The following PCID2 variants were observed in gnomAD, a reference collection of about 807,000 sequenced individuals.
PCID2 encodes the protein PCI domain-containing protein 2.
Under a neutral mutation model 61.3 loss-of-function variants are expected in PCID2, and 41 were observed. The ratio of observed to expected loss-of-function variants is 0.67; its 90% confidence interval spans 0.52 to 0.87. The LOEUF is 0.87. Ranked by LOEUF, PCID2 falls within the 40% of genes least tolerant of loss-of-function variation. The probability of loss-of-function intolerance (pLI) is 0.00; values close to 1 mark genes in which losing one functional copy is unlikely to be tolerated. For missense variants in PCID2, 392 were observed against 493.4 expected, an observed-to-expected ratio of 0.79 and a Z score of 1.95; for synonymous variants, 187 against 177.8, an observed-to-expected ratio of 1.05 and a Z score of -0.41.
chr13:113,181,991 T>C (rs959301963), intron 9 of PCID2, among the ~76,000 whole-genome samples: 1 of 152,112 alleles, frequency 6.6e-6, no homozygotes. Flanking sequence ...TTCCACATTC[T>C]CCCTAGGTGA....
the PCID2 span, among the ~76,000 whole-genome samples, chr13:113,166,876 G>A: frequency 3.3e-5 from 5 of 152,092 alleles, no homozygotes; most frequent in African/African-American, 9.7e-5. Context: ...GAGAGGGTGC[G>A]GTTCTAGTCT....
intron 11 of PCID2, 36 bp from the exon 12 acceptor site, chr13:113,180,078 G>A: frequency 6.2e-7 from 1 of 1,613,626 alleles, no homozygotes; most frequent in Non-Finnish European, 8.5e-7. Flanking sequence ...AGGAGGGTGA[G>A]TTTCTCACAG....
rs773183632 is a variant in PCID2 at position 113,179,065 on chromosome 13, C to G, written c.1011G>C (p.Gln337His). 6.2e-7 allele frequency: 1 copy of G among 1,613,832 alleles called. No individual in the cohort carries two copies. Among genetic ancestry groups the G allele is most frequent in the South Asian group, 1.1e-5 (1 of 91,050 alleles). The change falls in exon 13 of 14, where the codon CAG becomes CAC. Residue 337 changes from glutamine to histidine, a missense_variant. By Grantham distance (24) the Gln-to-His change is conservative (BLOSUM62 0). Coordinates refer to ENST00000337344, the MANE Select transcript of PCID2 (RefSeq NM_001127202.4). This position sits in a 1 kb window ranked among gnomAD's most constrained non-coding sequence, Gnocchi z 4.3. ...CAACCAGAAAAGCATCCAGAGACAG[C>G]TGGTGTGTTTTCAGTAACAAATACC... ...KKVYLLLKTH[Q>H]LSLDAFLVAL...
chr13:113,195,015 ACAGATAGT>A, intron 6 of PCID2, 48 bp downstream of exon 6: 1 of 1,201,472 alleles, frequency 8.3e-7, no homozygotes, highest in Non-Finnish European at 1.2e-6. Context: ...AAATTAAACA[ACAGATAGT>A]CACCAAGTTT....
intron 6 of PCID2, among the ~76,000 whole-genome samples, chr13:113,191,718 G>A (rs538345838): frequency 1.5e-4 from 23 of 152,264 alleles, no homozygotes; most frequent in Admixed American, 8.5e-4. Context: ...CCACAAACCC[G>A]AGGCCTGCAA....
chr13:113,205,575 A>G (rs1392533792), intron 1 of PCID2, among the ~76,000 whole-genome samples: 1 of 152,242 alleles, frequency 6.6e-6, no homozygotes, highest in Non-Finnish European at 1.5e-5. Flanking sequence ...ACAACAGCCA[A>G]AAAGAGGAAA....
rs375308286 is a variant in PCID2 at position 113,208,652 on chromosome 13, G to T, written c.-18C>A. 13 of 1,604,472 alleles carry T rather than the reference G, an allele frequency of 8.1e-6. No individual in the cohort carries two copies. The highest frequency in any genetic ancestry group is 1.1e-5 in the Non-Finnish European group (13 of 1,176,320). On this transcript the variant is annotated 5_prime_UTR_variant, in exon 1 of 14. Coordinates refer to ENST00000337344, the MANE Select transcript of PCID2 (RefSeq NM_001127202.4). The stretch of plus-strand genomic sequence containing the variant: ...TGCGCCATGGGAGCGCCGCCGAACG[G>T]AGAGCGCCACCCCCTACGCCTCAAG...
chr13:113,207,955 G>A (rs57454795), intron 1 of PCID2: 1 of 1,350,154 alleles, frequency 7.4e-7, no homozygotes, highest in Non-Finnish European at 1.1e-6. Context: ...GACAGGCATA[G>A]TTTAGTGGAA....
At chr13:113,200,104 A>G (rs1421491979) in intron 2 of PCID2, among the ~76,000 whole-genome samples, 2 of 152,160 alleles carry the variant, frequency 1.3e-5, no homozygotes, top group South Asian at 4.1e-4. Flanking sequence ...CCTGTGGTAC[A>G]TGACGTCTAT....
downstream of PCID2, among the ~76,000 whole-genome samples, chr13:113,176,034 G>C (rs1314642221): frequency 1.3e-5 from 2 of 152,262 alleles, no homozygotes; most frequent in Non-Finnish European, 2.9e-5. Context: ...CAGCCCGGAA[G>C]AAACTGCAGA....
At chr13:113,197,137 G>C (rs1330775381) in intron 4 of PCID2, 41 bp downstream of exon 4, 2 of 1,613,936 alleles carry the variant, frequency 1.2e-6, no homozygotes, top group Non-Finnish European at 1.7e-6. Context: ...TCCACTGCAT[G>C]TGTTCTATGC....
In PCID2 at chr13:113,184,417, C is replaced by G. The variant is rs2037915041; in HGVS notation, c.614G>C (p.Ser205Thr). ...TTTGTATGTTACTCTCTGTGCAGTG[C>G]TGTAATCGTCTTTCAGGTTTGAGCT... The part of the protein sequence containing the change: ...IDSSNLKDDY[S>T]TAQRVTYKYY... Residue 205 changes from serine (S) to threonine (T), a missense_variant, in exon 9 of 14, where the codon AGC becomes ACC. Physicochemically the swap from Ser to Thr is moderately conservative, Grantham distance 58. This residue lies in a region of PCID2 where 226 missense variants were observed against 296.5 expected (regional missense o/e 0.76). Coordinates refer to ENST00000337344, the MANE Select transcript of PCID2 (RefSeq NM_001127202.4). The G allele has an allele frequency of 1.2e-6, 2 of 1,606,376 alleles. No homozygotes were observed. Among genetic ancestry groups the G allele is most frequent in the Non-Finnish European group, 1.7e-6 (2 of 1,172,868 alleles).
chr13:113,180,012 C>A lies in PCID2; in HGVS notation c.891G>T (p.Ala297=). 2 of 1,614,108 alleles carry A rather than the reference C, an allele frequency of 1.2e-6. No individual in the cohort carries two copies. Among genetic ancestry groups the A allele is most frequent in the Non-Finnish European group, 1.7e-6 (2 of 1,180,002 alleles). Residue 297 remains alanine, a synonymous_variant, in exon 12 of 14, where the codon GCG becomes GCT. Coordinates refer to ENST00000337344, the MANE Select transcript of PCID2 (RefSeq NM_001127202.4). ...SEGNLLLLHE[A]LAKHEAFFIR... is the part of the protein sequence containing the mutation. ...TGAAGAAGGCCTCGTGCTTCGCCAGCGCCTCGTGCAGCAGCAGCAGGTTGC... is the reference window on the plus strand; with the variant it reads ...TGAAGAAGGCCTCGTGCTTCGCCAGAGCCTCGTGCAGCAGCAGCAGGTTGC...
chr13:113,190,721 T>C (rs755458560), intron 7 of PCID2, 151 bp downstream of exon 7: 8 of 457,354 alleles, frequency 1.7e-5, no homozygotes, highest in Non-Finnish European at 2.7e-5. Flanking sequence ...AACAATCAAC[T>C]TTTTAAAGCA....
chr13:113,169,114 C>T, the PCID2 span, among the ~76,000 whole-genome samples: 2 of 152,096 alleles, frequency 1.3e-5, no homozygotes, highest in Admixed American at 1.3e-4. Flanking sequence ...TGTTTGAAAT[C>T]CCATAGCTCA....
chr13:113,205,708 C>T (rs1030679907), intron 1 of PCID2, among the ~76,000 whole-genome samples: 3 of 152,200 alleles, frequency 2.0e-5, no homozygotes, highest in Non-Finnish European at 4.4e-5. Context: ...ACCCTGAAAA[C>T]ATGATGCAAG....
chr13:113,190,779 G>T, intron 7 of PCID2, 93 bp downstream of exon 7: 1 of 592,238 alleles, frequency 1.7e-6, no homozygotes, highest in Non-Finnish European at 2.9e-6. Flanking sequence ...AATGAAATAT[G>T]TGTCAACAAT....
At position 113,184,330 on chromosome 13, in the gene PCID2, A is replaced by C. The variant is rs181823953; in HGVS notation, c.685+16T>G. 1.6e-4 allele frequency: 253 copies of C among 1,607,362 alleles called. No homozygotes were observed. The African/African-American group carries it at 2.9e-3, about 18-fold the overall frequency. ...GTCTTATTTAAAATACTGGGAAAAA[A>C]AGATTAGCAACATACCTTGCTTAAA... On this transcript the variant is annotated intron_variant, in intron 9 of 13. Transcript: ENST00000337344.
intron 8 of PCID2, 49 bp from the exon 9 acceptor site, chr13:113,184,536 G>T (rs1441349096): frequency 1.7e-6 from 2 of 1,154,560 alleles, no homozygotes; most frequent in Non-Finnish European, 2.6e-6. Context: ...AACAAAAACA[G>T]GTGGCAAAAC....
Sources: allele counts gnomAD v4.1 joint callset (sites outside exome capture counted in the v4.1 genomes callset), GRCh38; gene constraint gnomAD v4.1.1; regional missense constraint gnomAD v4.1.1; non-coding constraint Gnocchi (gnomAD v3.1); transcripts MANE v1.5; gene names NCBI Gene and HGNC (gene_info 2026-07-23, HGNC 2026-07-21).